Variants in MCUB observed in about 807,000 individuals in gnomAD.
MCUB encodes mitochondrial calcium uniporter dominant negative subunit beta.
In MCUB, 46 loss-of-function variants were observed where a neutral mutation model predicts 41.4. The ratio of observed to expected loss-of-function variants is 1.11; its 90% CI spans 0.88 to 1.42. The LOEUF is 1.42. Among genes scored for constraint, MCUB ranks in the 40% most tolerant of loss-of-function variants. The pLI, the probability that MCUB is intolerant of heterozygous loss-of-function variation, is 0.00. For missense variants in MCUB, 403 were observed against 404.9 expected (o/e 1.00, Z 0.04); for synonymous variants, 148 against 148.2 (o/e 1.00, Z 0.01).
intron 1 of MCUB, among the ~76,000 whole-genome samples, chr4:109,582,129 A>G (rs1310222651): frequency 1.3e-5 from 2 of 152,106 alleles, no homozygotes. Context: ...AACCAACCCA[A>G]ATGTCCATCA....
chr4:109,654,349 G>A lies in MCUB; in HGVS notation c.100-4662G>A, dbSNP rs563092476. ...ATATCAGCCAGGTGTGGTGGCTCAC[G>A]CCTGTAATCCCAGCACTTTGGGAGG... On this transcript the variant is annotated intron_variant, in intron 1 of 7. Coordinates refer to ENST00000394650, the MANE Select transcript of MCUB (RefSeq NM_017918.5). Among the ~76,000 whole-genome samples, 21 of 152,244 alleles carry A rather than the reference G, an allele frequency of 1.4e-4. No individual in the cohort carries two copies. In the South Asian group the frequency reaches 3.5e-3, roughly 26 times the overall value.
intron 1 of MCUB, among the ~76,000 whole-genome samples, chr4:109,597,134 T>A (rs1324890766): frequency 7.9e-5 from 12 of 151,320 alleles, no homozygotes; most frequent in Admixed American, 6.6e-5. Context: ...GTCTACTTCT[T>A]TCTACACAGA....
intron 1 of MCUB, among the ~76,000 whole-genome samples, chr4:109,657,218 CAA>C (rs56707630): frequency 0.05 from 5,569 of 111,260 alleles, 289 homozygotes; most frequent in African/African-American, 0.17. Flanking sequence ...TATTCCATCT[CAA>C]AAAAAAAAAA....
In MCUB at chr4:109,615,591, A is replaced by G. The variant is rs547258034; in HGVS notation, c.100-43420A>G. Among the ~76,000 whole-genome samples, 15 of 151,558 alleles carry G rather than the reference A, an allele frequency of 9.9e-5. No individual in the cohort carries two copies. The South Asian group carries it at 2.9e-3, about 30-fold the overall frequency. On this transcript the variant is annotated intron_variant, in intron 1 of 7. Transcript: ENST00000394650. ...CCCGGCTAATTTTTTTTGTATTTTTAGTAGAGATGGGGTTTCACCGTATTA... is the reference window on the plus strand; with the variant it reads ...CCCGGCTAATTTTTTTTGTATTTTTGGTAGAGATGGGGTTTCACCGTATTA...
intron 1 of MCUB, among the ~76,000 whole-genome samples, chr4:109,629,050 A>G (rs1313763135): frequency 3.9e-5 from 6 of 152,244 alleles, no homozygotes; most frequent in Admixed American, 6.5e-5. Context: ...GTAGGGTCTT[A>G]GCGAAATTTA....
At chr4:109,598,704 T>A (rs1401332835) in intron 1 of MCUB, among the ~76,000 whole-genome samples, 1 of 152,200 alleles carries the variant, frequency 6.6e-6, no homozygotes, top group Non-Finnish European at 1.5e-5. Flanking sequence ...ATTTTTCTTA[T>A]TGCTGGTGAG....
At chr4:109,684,262 C>T (rs1313872152) in intron 5 of MCUB, among the ~76,000 whole-genome samples, 181 bp from the exon 6 acceptor site, 1 of 152,010 alleles carries the variant, frequency 6.6e-6, no homozygotes, top group East Asian at 1.9e-4. Flanking sequence ...CGGGGTTTCA[C>T]CATGTTAACC....
chr4:109,600,124 A>G (rs1050921340), intron 1 of MCUB, among the ~76,000 whole-genome samples: 22 of 152,186 alleles, frequency 1.4e-4, no homozygotes, highest in Non-Finnish European at 1.5e-4. Flanking sequence ...ACCCATTTCC[A>G]CTGTTGGAAA....
intron 1 of MCUB, among the ~76,000 whole-genome samples, chr4:109,648,936 T>TC (rs779164877): frequency 2.0e-5 from 3 of 152,138 alleles, no homozygotes; most frequent in Non-Finnish European, 4.4e-5. Context: ...AGTACAAAAG[T>TC]ACGCTATATT....
chr4:109,639,022 A>T (rs1728655922), intron 1 of MCUB, among the ~76,000 whole-genome samples: 1 of 152,174 alleles, frequency 6.6e-6, no homozygotes, highest in Non-Finnish European at 1.5e-5. Flanking sequence ...GTTGGAAATA[A>T]CTTCTTCAAA....
chr4:109,644,663 C>T (rs530209677), intron 1 of MCUB, among the ~76,000 whole-genome samples: 113 of 152,240 alleles, frequency 7.4e-4, no homozygotes, highest in African/African-American at 2.6e-3. Flanking sequence ...TCACCAATAA[C>T]GCTATCATCT....
intron 1 of MCUB, among the ~76,000 whole-genome samples, chr4:109,649,704 G>C (rs1728917011): frequency 6.6e-6 from 1 of 151,854 alleles, no homozygotes; most frequent in East Asian, 1.9e-4. Flanking sequence ...GTCAGGGACA[G>C]AGTTAATTTC....
intron 1 of MCUB, among the ~76,000 whole-genome samples, chr4:109,585,125 G>GT (rs200944529): frequency 0.046 from 6,974 of 152,222 alleles, 220 homozygotes; most frequent in Non-Finnish European, 0.072. Context: ...ATGGATCTGG[G>GT]TGCTCCTGTA....
intron 1 of MCUB, among the ~76,000 whole-genome samples, chr4:109,571,799 C>G (rs565257103): frequency 6.6e-6 from 1 of 152,328 alleles, no homozygotes; most frequent in South Asian, 2.1e-4. Context: ...ATGTTATGGC[C>G]TAGGCCTGGA....
At position 109,688,072 on chromosome 4, in the gene MCUB, T is replaced by C. The variant is rs1329525501; in HGVS notation, c.*480T>C. The C allele has an allele frequency of 6.5e-6, 1 of 152,748 alleles. No homozygotes were observed. The highest frequency in any genetic ancestry group is 2.4e-5 in the African/African-American group (1 of 41,474). 9.5% of individuals were successfully genotyped at this position (152,748 alleles called of 1,614,324 possible). A position where few individuals can be genotyped will look rare whatever the true frequency, so the allele number is the denominator to read the frequency against. On this transcript the variant is annotated 3_prime_UTR_variant, in exon 8 of 8. Coordinates refer to ENST00000394650, the MANE Select transcript of MCUB (RefSeq NM_017918.5). The stretch of plus-strand genomic sequence containing the variant: ...AGTTGGGAGTAAGATCTTTTTATCA[T>C]TTATCAAAAAGGCATAAATGTTCCA...
chr4:109,652,960 C>T (rs1011453365), intron 1 of MCUB, among the ~76,000 whole-genome samples: 4 of 152,132 alleles, frequency 2.6e-5, no homozygotes, highest in African/African-American at 9.7e-5. Flanking sequence ...GGAGTATGCA[C>T]TCTAGTGGGA....
intron 1 of MCUB, among the ~76,000 whole-genome samples, chr4:109,618,086 A>G (rs1728169204): frequency 1.3e-5 from 2 of 152,170 alleles, no homozygotes; most frequent in South Asian, 4.1e-4. Flanking sequence ...CTGGTGTTTC[A>G]TCTCAAACCC....
intron 4 of MCUB, among the ~76,000 whole-genome samples, chr4:109,681,751 A>T (rs777318915): frequency 2.0e-5 from 3 of 152,200 alleles, no homozygotes; most frequent in Non-Finnish European, 4.4e-5. Flanking sequence ...CACAGTGGAC[A>T]CCCTGCTGGA....
chr4:109,569,582 C>T (rs1726863012), intron 1 of MCUB, among the ~76,000 whole-genome samples: 1 of 143,160 alleles, frequency 7.0e-6, no homozygotes, highest in Non-Finnish European at 1.5e-5. Context: ...TGGCTTACTG[C>T]ACCCTCTGCC....
Sources: gnomAD v4.1 joint callset for allele counts (sites outside exome capture counted in the v4.1 genomes callset) on GRCh38, gnomAD v4.1.1 for gene constraint, MANE v1.5 for transcripts, NCBI Gene and HGNC (gene_info 2026-07-23, HGNC 2026-07-21) for gene names.